The following CLASP1 variants were observed in gnomAD, a reference collection of about 807,000 sequenced individuals.
CLASP1 encodes the protein CLIP-associating protein 1.
CLASP1 carries 38 observed loss-of-function variants against 192.3 expected under a neutral mutation model. That is an observed-to-expected ratio of 0.20 (90% confidence interval 0.15 to 0.26). CLASP1 has a LOEUF of 0.26. CLASP1 is among the 10% of genes least tolerant of loss of function. The pLI is 1.00. For synonymous variants in CLASP1, 691 were observed against 712.8 expected (o/e 0.97, Z 0.49); for missense variants, 1,433 against 1,932.5 (o/e 0.74, Z 4.85).
rs1304017392 is a variant in CLASP1, at chr2:121,567,246, C to T, written c.196-36921G>A. Among the ~76,000 whole-genome samples, 4 of 152,202 alleles carry T rather than the reference C, an allele frequency of 2.6e-5. No homozygotes were observed. In the East Asian group the frequency reaches 7.7e-4, roughly 29 times the overall value. On this transcript the variant is annotated intron_variant, in intron 2 of 39. Transcript: ENST00000263710. ...ACAAACAGTCGAGCACCGCTGTGGG[C>T]CAGGCACTGTCCTGTCCTGATGCTC...
At chr2:121,461,051 T>G (rs1250807553) in intron 11 of CLASP1, 50 bp downstream of exon 11, 1 of 1,087,464 alleles carries the variant, frequency 9.2e-7, no homozygotes, top group African/African-American at 1.6e-5. Flanking sequence ...GTATTTGAGA[T>G]ATTTAAATAC....
chr2:121,537,897 C>T (rs1374793581), intron 2 of CLASP1, among the ~76,000 whole-genome samples: 2 of 152,170 alleles, frequency 1.3e-5, no homozygotes, highest in African/African-American at 4.8e-5. Context: ...AATTGAACAT[C>T]CACTGCATTC....
chr2:121,486,900 A>G (rs550000275), intron 8 of CLASP1, among the ~76,000 whole-genome samples: 2 of 152,340 alleles, frequency 1.3e-5, no homozygotes, highest in East Asian at 3.9e-4. Flanking sequence ...CCATGTTCCA[A>G]TAATACTTAA....
At chr2:121,468,042 G>A (rs1379408925) in intron 9 of CLASP1, among the ~76,000 whole-genome samples, 1 of 152,198 alleles carries the variant, frequency 6.6e-6, no homozygotes, top group African/African-American at 2.4e-5. Flanking sequence ...TTATTAAACA[G>A]GGAATTCTTT....
intron 1 of CLASP1, among the ~76,000 whole-genome samples, chr2:121,637,599 T>C: frequency 6.6e-6 from 1 of 152,120 alleles, no homozygotes; most frequent in East Asian, 1.9e-4. Flanking sequence ...AAAAAAAATT[T>C]AGGCTGGCGT....
intron 2 of CLASP1, among the ~76,000 whole-genome samples, chr2:121,557,088 A>C (rs2058629475): frequency 1.3e-5 from 2 of 152,048 alleles, no homozygotes; most frequent in Non-Finnish European, 2.9e-5. Flanking sequence ...CATTCTCCCT[A>C]TTTTGCAGTG....
At chr2:121,542,869 G>C (rs1293959723) in intron 2 of CLASP1, among the ~76,000 whole-genome samples, 1 of 152,164 alleles carries the variant, frequency 6.6e-6, no homozygotes, top group Non-Finnish European at 1.5e-5. Context: ...CCAGCAATAT[G>C]GCAAGTCACA....
chr2:121,344,215 T>C (rs573113706), intron 39 of CLASP1, among the ~76,000 whole-genome samples: 12 of 152,324 alleles, frequency 7.9e-5, no homozygotes, highest in Admixed American at 7.8e-4. Context: ...CCAAAGCTAG[T>C]GTTGCTGCCC....
chr2:121,529,191 C>G (rs2094674770), intron 3 of CLASP1, among the ~76,000 whole-genome samples: 1 of 152,168 alleles, frequency 6.6e-6, no homozygotes, highest in Admixed American at 6.5e-5. Flanking sequence ...TAAGTTTCAT[C>G]ACTATTGTGT....
intron 2 of CLASP1, among the ~76,000 whole-genome samples, chr2:121,595,766 C>A (rs565708384): frequency 1.3e-5 from 2 of 152,214 alleles, no homozygotes; most frequent in Non-Finnish European, 2.9e-5. Flanking sequence ...GGCTAACTGA[C>A]TAGGCCACAA....
chr2:121,405,814 GAAGGCAA>G (rs1352255247), intron 25 of CLASP1, among the ~76,000 whole-genome samples: 2 of 152,158 alleles, frequency 1.3e-5, no homozygotes, highest in Non-Finnish European at 2.9e-5. Context: ...CTGCGTTTCA[GAAGGCAA>G]AACTTCCTGT....
At chr2:121,502,199 T>C (rs1478172096) in intron 8 of CLASP1, among the ~76,000 whole-genome samples, 1 of 152,182 alleles carries the variant, frequency 6.6e-6, no homozygotes. Flanking sequence ...CTTTATTTAT[T>C]CAACAATACT....
intron 2 of CLASP1, among the ~76,000 whole-genome samples, chr2:121,555,988 CTTTTTTTTTTTTTTT>C (rs34423741): frequency 9.7e-4 from 41 of 42,392 alleles, no homozygotes; most frequent in Admixed American, 2.1e-3. Context: ...CTACCCACCG[CTTTTTTTTTTTTTTT>C]TTTTTTTTTT....
Position 121,536,242 on chromosome 2 carries a change from G to A in CLASP1, c.196-5917C>T, listed in dbSNP as rs528513875. On this transcript the variant is annotated intron_variant, in intron 2 of 39. Transcript: ENST00000263710. ...TAAAAATACAAAAAATTAGCCGGGC[G>A]TTGTGACGGGCACCTGTAGTCCCAG... Among the ~76,000 whole-genome samples the A allele has an allele frequency of 8.6e-5, 13 of 151,556 alleles. No homozygotes were observed. In the South Asian group the frequency reaches 1.3e-3, roughly 15 times the overall value.
At chr2:121,437,100 C>T (rs993986990) in intron 19 of CLASP1, among the ~76,000 whole-genome samples, 2 of 152,038 alleles carry the variant, frequency 1.3e-5, no homozygotes, top group South Asian at 2.1e-4. Flanking sequence ...GTATCTGGGG[C>T]TACAGGTGTG....
In CLASP1 at chr2:121,617,759, T is replaced by C. The variant is rs2066696398; in HGVS notation, c.-285-11579A>G. 3.3e-5 allele frequency among the ~76,000 whole-genome samples: 5 copies of C among 152,190 alleles called. No homozygotes were observed. The South Asian group carries it at 1.0e-3, about 32-fold the overall frequency. The stretch of plus-strand genomic sequence containing the variant: ...TCTCTACCCACCTTCCAGATCTCTG[T>C]TGGTGGGCTCAGTCCAATGCCTCTT... On this transcript the variant is annotated intron_variant, in intron 1 of 39. Transcript: ENST00000263710.
chr2:121,510,315 G>T (rs1004926692), intron 7 of CLASP1, among the ~76,000 whole-genome samples: 3 of 152,190 alleles, frequency 2.0e-5, no homozygotes, highest in African/African-American at 7.2e-5. Flanking sequence ...CTGACCAGAA[G>T]AGCAAAGGCT....
chr2:121,530,373 A>T, intron 2 of CLASP1, 48 bp from the exon 3 acceptor site: 3 of 1,468,184 alleles, frequency 2.0e-6, no homozygotes, highest in Non-Finnish European at 2.8e-6. Context: ...CCTGCGGGGC[A>T]GCGCTCCCGC....
intron 34 of CLASP1, among the ~76,000 whole-genome samples, chr2:121,368,681 G>A (rs567217006): frequency 6.6e-6 from 1 of 152,208 alleles, no homozygotes; most frequent in South Asian, 2.1e-4. Flanking sequence ...CCAAACATCT[G>A]ACTACCCAAC....
Sources: allele counts gnomAD v4.1 joint callset (sites outside exome capture counted in the v4.1 genomes callset), GRCh38; gene constraint gnomAD v4.1.1; transcripts MANE v1.5; gene names NCBI Gene and HGNC (gene_info 2026-07-23, HGNC 2026-07-21).